SYNRG: variants seen among roughly 807,000 people sequenced by gnomAD.
The protein encoded by SYNRG is synergin gamma.
In SYNRG, 37 loss-of-function variants were observed where a neutral mutation model predicts 130.9. The ratio of observed to expected loss-of-function variants is 0.28; its 90% CI spans 0.22 to 0.37. SYNRG has a LOEUF of 0.37. Among genes scored for constraint, SYNRG ranks in the 10% least tolerant of loss-of-function variants. SYNRG has a pLI of 1.00. For missense variants in SYNRG, 1,338 were observed against 1,588.9 expected (o/e 0.84, Z 2.68); for synonymous variants, 539 against 568.1 (o/e 0.95, Z 0.73).
rs7214281 is a variant in SYNRG at position 37,542,360 on chromosome 17, G to A, written c.2814C>T (p.Asn938=). 1,950 of 1,614,202 alleles carry A rather than the reference G, an allele frequency of 1.2e-3. 19 individuals carry two copies. The African/African-American group carries it at 0.023, about 19-fold the overall frequency. Reference sequence around the variant, plus strand: ...CTTTGGAGAGAGATGTCATGGTGATGTTTTCAGAACTGCCAAATGAAGTCT... The same window carrying A: ...CTTTGGAGAGAGATGTCATGGTGATATTTTCAGAACTGCCAAATGAAGTCT... ...KKETSFGSSE[N]ITMTSLSKVT... is the part of the protein sequence containing the mutation. Residue 938 remains asparagine, a synonymous_variant, in exon 15 of 22, where the codon AAC becomes AAT. Transcript: ENST00000612223.
At chr17:37,547,212 GT>G (rs1020365175) in intron 14 of SYNRG, among the ~76,000 whole-genome samples, 6 of 152,130 alleles carry the variant, frequency 3.9e-5, no homozygotes, top group Non-Finnish European at 7.4e-5. Context: ...CTGTGTTAGT[GT>G]TTTAAGTTCA....
chr17:37,553,680 A>C lies in SYNRG; in HGVS notation c.2043T>G (p.Gly681=). 3 of 1,614,016 alleles carry C rather than the reference A, an allele frequency of 1.9e-6. No individual in the cohort carries two copies. The highest frequency in any genetic ancestry group is 2.5e-6 in the Non-Finnish European group (3 of 1,180,004). ...GEFSLFGEYS[G]LAPVGEQDDF... ...CATCCTGCTCCCCAACAGGTGCTAG[A>C]CCAGAATATTCCCCAAAAAGGCTGA... The change falls in exon 14 of 22, where the codon GGT becomes GGG. Residue 681 remains glycine, a synonymous_variant. Coordinates refer to ENST00000612223, the MANE Select transcript of SYNRG (RefSeq NM_007247.6).
chr17:37,561,665 T>C (rs2059545181), intron 11 of SYNRG, 76 bp from the exon 12 acceptor site: 3 of 1,089,656 alleles, frequency 2.8e-6, no homozygotes, highest in East Asian at 2.4e-5. Flanking sequence ...AGAATTAAAA[T>C]GGCAAACAGG....
intron 6 of SYNRG, among the ~76,000 whole-genome samples, chr17:37,582,996 G>GTT (rs999006626): frequency 2.8e-5 from 4 of 145,242 alleles, no homozygotes; most frequent in Non-Finnish European, 6.1e-5. Context: ...TAGGTTTTTG[G>GTT]TTTTTTTTTT....
In SYNRG at chr17:37,576,466, G is replaced by A. The variant is rs375232089; in HGVS notation, c.824-48C>T. The A allele has an allele frequency of 1.1e-5, 17 of 1,545,556 alleles. No individual in the cohort carries two copies. In the African/African-American group the frequency reaches 2.0e-4, roughly 19 times the overall value. On this transcript the variant is annotated intron_variant, in intron 7 of 21. Coordinates refer to ENST00000612223, the MANE Select transcript of SYNRG (RefSeq NM_007247.6). ...GTATATAGTGGTCCATGGAGAAGAT[G>A]GCGAAATCACACTGAGTCATGGTTT... is the stretch of plus-strand genomic sequence containing the variant.
rs1373002646 is a variant in SYNRG at position 37,609,376 on chromosome 17, G to C, written c.-21C>G. The stretch of plus-strand genomic sequence containing the variant: ...GCCATCTTGCTCCCGACCTGCCGCT[G>C]CCTTCGCCGCCGCCACCTTATCAGC... On this transcript the variant is annotated 5_prime_UTR_variant, in exon 1 of 22. Transcript: ENST00000612223. The C allele has an allele frequency of 1.4e-6, 2 of 1,408,002 alleles. No individual in the cohort carries two copies. The allele number at this position is 1,408,002 out of a possible 1,614,324, so 87.2% of individuals were successfully genotyped here.
chr17:37,585,559 C>G (rs1307910523), intron 4 of SYNRG, 129 bp from the exon 5 acceptor site: 1 of 629,272 alleles, frequency 1.6e-6, no homozygotes, highest in East Asian at 2.8e-5. Context: ...TGCTAAATAT[C>G]TAGTTTTCTT....
intron 11 of SYNRG, among the ~76,000 whole-genome samples, chr17:37,565,389 C>T (rs1007696967): frequency 6.6e-6 from 1 of 152,142 alleles, no homozygotes; most frequent in Non-Finnish European, 1.5e-5. Context: ...GATCTCGGCT[C>T]GCTACAACCT....
chr17:37,525,009 T>C (rs1419828284), intron 19 of SYNRG, among the ~76,000 whole-genome samples: 1 of 152,232 alleles, frequency 6.6e-6, no homozygotes, highest in Non-Finnish European at 1.5e-5. Context: ...GAAAAGATCA[T>C]ACTGTAATCG....
chr17:37,609,368 C>T lies in SYNRG; in HGVS notation c.-13G>A. 7.1e-7 allele frequency: 1 copy of T among 1,417,254 alleles called. No individual in the cohort carries two copies. Among genetic ancestry groups the T allele is most frequent in the Non-Finnish European group, 9.2e-7 (1 of 1,090,596 alleles). The allele number at this position is 1,417,254 out of a possible 1,614,324, so 87.8% of individuals were successfully genotyped here. On this transcript the variant is annotated 5_prime_UTR_variant, in exon 1 of 22. Coordinates refer to ENST00000612223, the MANE Select transcript of SYNRG (RefSeq NM_007247.6). ...GCCGCAGCGCCATCTTGCTCCCGAC[C>T]TGCCGCTGCCTTCGCCGCCGCCACC...
At chr17:37,548,843 A>AC (rs1491187490) in intron 14 of SYNRG, among the ~76,000 whole-genome samples, 2 of 138,670 alleles carry the variant, frequency 1.4e-5, no homozygotes, top group African/African-American at 5.9e-5. Context: ...AAAAAAAAAA[A>AC]CACACAAAAA....
intron 11 of SYNRG, chr17:37,567,769 C>A (rs1448271326): frequency 6.6e-6 from 1 of 152,056 alleles, no homozygotes; most frequent in Admixed American, 6.6e-5. Context: ...AAGAGATGAG[C>A]GAAACTGCAT....
At chr17:37,604,172 G>A (rs766686171) in intron 1 of SYNRG, among the ~76,000 whole-genome samples, 28 of 151,436 alleles carry the variant, frequency 1.8e-4, no homozygotes, top group African/African-American at 5.3e-4. Flanking sequence ...CCCGGGAGGC[G>A]AAGGTTACAT....
intron 14 of SYNRG, among the ~76,000 whole-genome samples, chr17:37,544,913 A>G (rs1286057172): frequency 6.6e-6 from 1 of 152,126 alleles, no homozygotes; most frequent in African/African-American, 2.4e-5. Flanking sequence ...CTTTCCTATT[A>G]AAAGGTTAGC....
chr17:37,603,263 G>T (rs904999044), intron 1 of SYNRG, among the ~76,000 whole-genome samples: 1 of 152,066 alleles, frequency 6.6e-6, no homozygotes, highest in Admixed American at 6.5e-5. Context: ...CAGCACTTTG[G>T]GGGGCCAAAG....
intron 19 of SYNRG, among the ~76,000 whole-genome samples, chr17:37,525,508 G>C (rs901837761): frequency 6.6e-6 from 1 of 152,208 alleles, no homozygotes; most frequent in East Asian, 1.9e-4. Flanking sequence ...GCATTGGCCT[G>C]TAACTTGCCA....
intron 14 of SYNRG, among the ~76,000 whole-genome samples, chr17:37,543,924 C>G (rs1277726573): frequency 6.6e-6 from 1 of 152,230 alleles, no homozygotes; most frequent in African/African-American, 2.4e-5. Context: ...CTCCCTCTGA[C>G]AACCACATAT....
chr17:37,551,861 T>A (rs1371385396), intron 14 of SYNRG, among the ~76,000 whole-genome samples: 3 of 140,074 alleles, frequency 2.1e-5, no homozygotes, highest in Non-Finnish European at 3.0e-5. Flanking sequence ...TAAGAAAATT[T>A]CTGAGGAAAA....
intron 19 of SYNRG, 138 bp downstream of exon 19, chr17:37,535,841 G>C (rs1349998382): frequency 4.2e-6 from 5 of 1,177,232 alleles, no homozygotes; most frequent in Non-Finnish European, 6.1e-6. Flanking sequence ...ACACACCTGT[G>C]ATCTCCCTCC....
Sources: allele counts gnomAD v4.1 joint callset (sites outside exome capture counted in the v4.1 genomes callset), GRCh38; gene constraint gnomAD v4.1.1; transcripts MANE v1.5; gene names NCBI Gene and HGNC (gene_info 2026-07-23, HGNC 2026-07-21).